Variants in SMG1 observed in about 807,000 individuals in gnomAD.
SMG1 encodes the protein SMG1 nonsense mediated mRNA decay associated PI3K related kinase, also known as serine/threonine-protein kinase SMG1.
SMG1 carries 22 observed loss-of-function variants against 419.9 expected under a neutral mutation model. The ratio of observed to expected loss-of-function variants is 0.05; its 90% CI spans 0.04 to 0.07. The LOEUF (loss-of-function observed/expected upper bound fraction) is 0.07. SMG1 is among the 10% of genes least tolerant of loss of function. SMG1 has a pLI of 1.00. For synonymous variants in SMG1, 1,538 were observed against 1,553.5 expected (o/e 0.99, Z 0.23); for missense variants, 3,185 against 4,342.0 (o/e 0.73, Z 7.49).
rs561554166 is a variant in SMG1, at chr16:18,882,482, A to G, written c.1120-144T>C. ...AGAACTGTGGCCCATGAGAATATTC[A>G]TGACTCTAAATATAAAAATGGGTTT... On this transcript the variant is annotated intron_variant, in intron 9 of 62. Transcript: ENST00000446231. The G allele has an allele frequency of 1.5e-5, 7 of 475,908 alleles. No individual in the cohort carries two copies. In the South Asian group the frequency reaches 3.1e-4, roughly 21 times the overall value. The allele number at this position is 475,908 out of a possible 1,614,324, so 29.5% of individuals were successfully genotyped here.
chr16:18,839,957 A>G lies in SMG1; in HGVS notation c.6697-11T>C. 6.6e-7 allele frequency: 1 copy of G among 1,523,974 alleles called. No homozygotes were observed. The highest frequency in any genetic ancestry group is 8.8e-7 in the Non-Finnish European group (1 of 1,134,098). The allele number at this position is 1,523,974 out of a possible 1,614,324, so 94.4% of individuals were successfully genotyped here. A position where few individuals can be genotyped will look rare whatever the true frequency, so the allele number is the denominator to read the frequency against. ...GTAGGAATCTTGGGCCTTAAGAAAA[A>G]ACAATTTTTTTAAAAAAGAAAAGAT... On this transcript the variant is annotated splice_polypyrimidine_tract_variant and intron_variant, in intron 41 of 62. Coordinates refer to ENST00000446231, the MANE Select transcript of SMG1 (RefSeq NM_015092.5).
intron 1 of SMG1, among the ~76,000 whole-genome samples, chr16:18,913,940 G>C (rs910553593): frequency 2.0e-5 from 3 of 152,028 alleles, no homozygotes; most frequent in African/African-American, 4.8e-5. Flanking sequence ...CCAAGGCAGG[G>C]GGCATCACCT....
At chr16:18,885,712 G>A (rs754175937) in intron 6 of SMG1, 46 bp from the exon 7 acceptor site, 1 of 1,572,888 alleles carries the variant, frequency 6.4e-7, no homozygotes, top group South Asian at 1.1e-5. Context: ...ACAAAATAGG[G>A]AGAAAACAAG....
rs1246206104 is a variant in SMG1 at position 18,850,343 on chromosome 16, G to T, written c.5177C>A (p.Thr1726Asn). 1 of 1,613,884 alleles carries T rather than the reference G, an allele frequency of 6.2e-7. No individual in the cohort carries two copies. Among genetic ancestry groups the T allele is most frequent in the South Asian group, 1.1e-5 (1 of 91,076 alleles). Residue 1726 changes from threonine to asparagine, a missense_variant, in exon 34 of 63, where the codon ACT (threonine) becomes AAT (asparagine). Physicochemically the swap from Thr to Asn is moderately conservative, Grantham distance 65. This residue lies in a region of SMG1 where 493 missense variants were observed against 552.9 expected (regional missense o/e 0.89). Coordinates refer to ENST00000446231, the MANE Select transcript of SMG1 (RefSeq NM_015092.5). ...CCTCCACACTTTAATAACTCCTTCA[G>T]TTGCACTTTCATCAAGTTCTGAAAG... ...PWLSELDESATEGVIKVWRKV... is the reference protein window; with the variant it reads ...PWLSELDESANEGVIKVWRKV...
chr16:18,920,078 A>G (rs1425212928), intron 1 of SMG1, among the ~76,000 whole-genome samples: 2 of 150,616 alleles, frequency 1.3e-5, no homozygotes, highest in African/African-American at 4.9e-5. Context: ...GAGACAGAGT[A>G]AAACTATGTC....
chr16:18,902,316 T>G (rs915335272), intron 1 of SMG1, among the ~76,000 whole-genome samples: 4 of 152,174 alleles, frequency 2.6e-5, no homozygotes, highest in Admixed American at 6.5e-5. Flanking sequence ...TGGCTCATTC[T>G]AATCTGAATC....
intron 9 of SMG1, among the ~76,000 whole-genome samples, chr16:18,882,854 T>C (rs1278733466): frequency 3.3e-5 from 5 of 152,200 alleles, no homozygotes; most frequent in Admixed American, 3.3e-4. Context: ...ACTGGGATAC[T>C]AGAACCAATG....
chr16:18,815,554 T>G lies in SMG1; in HGVS notation c.10400A>C (p.Gln3467Pro). The G allele has an allele frequency of 6.2e-7, 1 of 1,614,022 alleles. No homozygotes were observed. The highest frequency in any genetic ancestry group is 1.1e-5 in the South Asian group (1 of 91,084). The change falls in exon 59 of 63, where the codon CAA becomes CCA. Residue 3467 changes from glutamine to proline, a missense_variant. Physicochemically the swap from Gln to Pro is moderately conservative, Grantham distance 76. Transcript: ENST00000446231. The part of the protein sequence containing the change: ...GEYKSWQDNI[Q>P]TVLFTLVQAM... ...CTGGACTAATGTAAATAGAACTGTT[T>G]GAATGTTGTCTTGCCATGATTTATA...
Position 18,926,005 on chromosome 16 carries a change from C to T in SMG1, c.37G>A (p.Gly13Ser), listed in dbSNP as rs775301161. 4.5e-5 allele frequency: 70 copies of T among 1,570,216 alleles called. No homozygotes were observed. The highest frequency in any genetic ancestry group is 1.4e-4 in the East Asian group (6 of 41,784). Reference protein sequence around the residue: ...RRAPGSRLSSGGGGGGTKYPR... With the variant: ...RRAPGSRLSSSGGGGGTKYPR... ...TACTTGGTGCCGCCGCCGCCGCCGC[C>T]GCTGCTCAGCCGAGACCCCGGGGCT... The change falls in exon 1 of 63, where the codon GGC (glycine) becomes AGC (serine). Residue 13 changes from glycine to serine, a missense_variant. Physicochemically the swap from Gly to Ser is moderately conservative, Grantham distance 56. Around this residue, in one of 27 missense-constraint regions of SMG1, gnomAD observed 88 missense variants for 85.9 expected, o/e 1.02. Transcript: ENST00000446231.
chr16:18,837,549 C>T (rs2033653512), intron 45 of SMG1, 106 bp from the exon 46 acceptor site: 2 of 957,170 alleles, frequency 2.1e-6, no homozygotes, highest in South Asian at 1.7e-5. Flanking sequence ...CTACAAAACC[C>T]GAAAGGGGTG....
intron 9 of SMG1, among the ~76,000 whole-genome samples, chr16:18,883,704 A>T (rs1216459717): frequency 8.5e-5 from 13 of 152,096 alleles, no homozygotes; most frequent in African/African-American, 2.4e-5. Flanking sequence ...GGATCACCTG[A>T]GGTCAGGAGT....
In SMG1 at chr16:18,838,450, A is replaced by T. The variant is rs2141274942; in HGVS notation, c.7101T>A (p.Val2367=). The T allele has an allele frequency of 6.2e-7, 1 of 1,614,004 alleles. No homozygotes were observed. The highest frequency in any genetic ancestry group is 8.5e-7 in the Non-Finnish European group (1 of 1,179,886). Residue 2367 remains valine (V), a synonymous_variant, in exon 44 of 63, where the codon GTT becomes GTA. Coordinates refer to ENST00000446231, the MANE Select transcript of SMG1 (RefSeq NM_015092.5). The part of the protein sequence containing the change: ...VCFEKGKSLR[V]PEKVPFRMTQ... ...TCATTCGAAAAGGTACTTTCTCAGG[A>T]ACTCTAAGGCTTTTACCTTGAAAAG... is the stretch of plus-strand genomic sequence containing the variant.
At chr16:18,869,448 T>TCCC (rs1465386359) in intron 19 of SMG1, 145 bp from the exon 20 acceptor site, 24 of 686,204 alleles carry the variant, frequency 3.5e-5, no homozygotes, top group Non-Finnish European at 5.9e-5. Flanking sequence ...AAGCATTGTG[T>TCCC]CCCCCCTCTC....
In SMG1 at chr16:18,829,990, T is replaced by G; in HGVS notation, c.9069A>C (p.Leu3023=). The part of the protein sequence containing the change: ...HRQVLEEIFF[L]KRLQTIKEFF... ...ACTCCTTAATAGTCTGTAGTCTTTTTAGAAAGAAAATCTCTTCTAGCACCT... is the reference window on the plus strand; with the variant it reads ...ACTCCTTAATAGTCTGTAGTCTTTTGAGAAAGAAAATCTCTTCTAGCACCT... The change falls in exon 53 of 63, where the codon CTA becomes CTC. Residue 3023 remains leucine (L), a synonymous_variant. Transcript: ENST00000446231. 6.3e-7 allele frequency: 1 copy of G among 1,590,818 alleles called. No homozygotes were observed.
chr16:18,832,837 G>A, intron 51 of SMG1, 103 bp downstream of exon 51: 1 of 976,462 alleles, frequency 1.0e-6, no homozygotes, highest in Non-Finnish European at 1.6e-6. Context: ...AATTATACCT[G>A]CTCTAAAAAC....
Position 18,829,676 on chromosome 16 carries a change from A to G in SMG1, c.9213T>C (p.Ser3071=). The part of the protein sequence containing the change: ...IVNVKTLFRN[S]CFSEDQMAKP... ...TGGCCATTTGGTCTTCACTGAAACA[A>G]GAGTTTCTAAAAAGGGTTTTCACAT... Residue 3071 remains serine (S), a synonymous_variant, in exon 54 of 63, where the codon TCT becomes TCC. Transcript: ENST00000446231. 6.2e-7 allele frequency: 1 copy of G among 1,614,020 alleles called. No individual in the cohort carries two copies. Among genetic ancestry groups the G allele is most frequent in the Non-Finnish European group, 8.5e-7 (1 of 1,179,892 alleles).
intron 55 of SMG1, among the ~76,000 whole-genome samples, chr16:18,827,435 T>C (rs1419359140): frequency 1.4e-5 from 2 of 146,716 alleles, no homozygotes; most frequent in South Asian, 2.2e-4. Flanking sequence ...CCAAAATATA[T>C]ATATATAGGT....
At chr16:18,856,329 A>ATTTTTTTT (rs11365913) in intron 29 of SMG1, 2 of 84,690 alleles carry the variant, frequency 2.4e-5, no homozygotes, top group Admixed American at 1.3e-4. Flanking sequence ...CACCCAGGTG[A>ATTTTTTTT]TTTTTTTTTT....
chr16:18,912,495 GAATT>G (rs1037566913), intron 1 of SMG1, among the ~76,000 whole-genome samples: 1 of 151,862 alleles, frequency 6.6e-6, no homozygotes, highest in African/African-American at 2.4e-5. Context: ...TATGATTTTT[GAATT>G]AATATTAGAG....
Sources: allele counts gnomAD v4.1 joint callset (sites outside exome capture counted in the v4.1 genomes callset), GRCh38; gene constraint gnomAD v4.1.1; regional missense constraint gnomAD v4.1.1; transcripts MANE v1.5; gene names NCBI Gene and HGNC (gene_info 2026-07-23, HGNC 2026-07-21).